Variants in OR6N1 observed in about 807,000 individuals in gnomAD.
OR6N1 encodes the protein olfactory receptor 6N1.
For missense variants in OR6N1, 394 were observed against 371.7 expected, an observed-to-expected ratio of 1.06 and a Z score of -0.49; for synonymous variants, 170 against 150.7, an observed-to-expected ratio of 1.13 and a Z score of -0.94.
the OR6N1 span, among the ~76,000 whole-genome samples, chr1:158,791,218 T>G: frequency 6.6e-6 from 1 of 152,204 alleles, no homozygotes; most frequent in African/African-American, 2.4e-5. Flanking sequence ...ATCTACAATT[T>G]TTTGATATAG....
chr1:158,821,788 G>A, the OR6N1 span, among the ~76,000 whole-genome samples: 1 of 151,922 alleles, frequency 6.6e-6, no homozygotes, highest in African/African-American at 2.4e-5. Context: ...AACTCCTTTG[G>A]GTAAATACCA....
the OR6N1 span, among the ~76,000 whole-genome samples, chr1:158,801,813 G>T: frequency 6.6e-6 from 1 of 152,090 alleles, no homozygotes; most frequent in African/African-American, 2.4e-5. Context: ...ATCTGGGAAA[G>T]ATCAAAGCCT....
In OR6N1 at chr1:158,766,825, G is replaced by T. The variant is rs909315709; in HGVS notation, c.-18-125C>A. ...CCAGAGTAAAGCCCTCTAAGTAAATGCTTTGAGAGGTCAACATTTCAATTC... is the reference window on the plus strand; with the variant it reads ...CCAGAGTAAAGCCCTCTAAGTAAATTCTTTGAGAGGTCAACATTTCAATTC... On this transcript the variant is annotated intron_variant, in intron 1 of 1. Transcript: ENST00000641846. 3 of 622,190 alleles carry T rather than the reference G, an allele frequency of 4.8e-6. No homozygotes were observed. In the African/African-American group the frequency reaches 5.5e-5, roughly 11 times the overall value. 38.5% of individuals were successfully genotyped at this position (622,190 alleles called of 1,614,324 possible).
At chr1:158,785,069 G>A in the OR6N1 span, among the ~76,000 whole-genome samples, 8 of 152,172 alleles carry the variant, frequency 5.3e-5, no homozygotes, top group Admixed American at 2.0e-4. Context: ...TGCATGTTCA[G>A]TGCTACATAC....
the OR6N1 span, among the ~76,000 whole-genome samples, chr1:158,812,606 A>G: frequency 1.5e-3 from 225 of 152,346 alleles, 1 homozygote; most frequent in Non-Finnish European, 2.7e-3. Context: ...ACATTTCATA[A>G]TATGATTGCT....
chr1:158,777,375 A>G, the OR6N1 span: 1 of 1,614,220 alleles, frequency 6.2e-7, no homozygotes, highest in Non-Finnish European at 8.5e-7. Context: ...TTTTCTTCTC[A>G]CTGAGAATAT....
the OR6N1 span, among the ~76,000 whole-genome samples, chr1:158,828,178 C>T: frequency 1.3e-5 from 2 of 152,234 alleles, no homozygotes; most frequent in African/African-American, 2.4e-5. Flanking sequence ...TATCATTCTA[C>T]CCCTGGCCCC....
the OR6N1 span, among the ~76,000 whole-genome samples, chr1:158,818,849 A>G: frequency 6.6e-6 from 1 of 152,162 alleles, no homozygotes; most frequent in Non-Finnish European, 1.5e-5. Flanking sequence ...ACTGTTATAC[A>G]TGGCCTATTT....
the OR6N1 span, among the ~76,000 whole-genome samples, chr1:158,778,390 T>C: frequency 6.6e-6 from 1 of 152,054 alleles, no homozygotes; most frequent in African/African-American, 2.4e-5. Context: ...TCCAAGAAGA[T>C]CTGGGATCAG....
At chr1:158,806,742 T>A in the OR6N1 span, among the ~76,000 whole-genome samples, 1 of 152,118 alleles carries the variant, frequency 6.6e-6, no homozygotes, top group Non-Finnish European at 1.5e-5. Context: ...TTATGTTTTT[T>A]GCCCAAAATC....
the OR6N1 span, among the ~76,000 whole-genome samples, chr1:158,778,768 A>G: frequency 6.6e-6 from 1 of 152,030 alleles, no homozygotes; most frequent in African/African-American, 2.4e-5. Context: ...TAATCCCAGC[A>G]TTTTGGGAGG....
upstream of OR6N1, among the ~76,000 whole-genome samples, chr1:158,773,849 A>G (rs1243772951): frequency 6.6e-6 from 1 of 152,072 alleles, no homozygotes; most frequent in Non-Finnish European, 1.5e-5. Context: ...GTGTGTATAT[A>G]TATTTGTATA....
upstream of OR6N1, among the ~76,000 whole-genome samples, chr1:158,772,965 G>T (rs933894302): frequency 2.0e-5 from 3 of 152,088 alleles, no homozygotes; most frequent in African/African-American, 7.2e-5. Context: ...TTATTTGTCA[G>T]ATAAAAAATT....
upstream of OR6N1, chr1:158,777,084 C>A: frequency 6.2e-7 from 1 of 1,614,060 alleles, no homozygotes; most frequent in South Asian, 1.1e-5. Flanking sequence ...CCAAGCTCAG[C>A]AAAGGTGGAA....
chr1:158,813,117 T>A, the OR6N1 span, among the ~76,000 whole-genome samples: 1 of 152,218 alleles, frequency 6.6e-6, no homozygotes, highest in Non-Finnish European at 1.5e-5. Context: ...TTCAAAAACA[T>A]ACATTGTTGG....
chr1:158,777,509 T>A, the OR6N1 span: 1 of 1,614,190 alleles, frequency 6.2e-7, no homozygotes, highest in Non-Finnish European at 8.5e-7. Flanking sequence ...AAGATGAGCA[T>A]GTTACCACAG....
the OR6N1 span, chr1:158,796,289 T>C: frequency 6.6e-6 from 1 of 152,360 alleles, no homozygotes; most frequent in African/African-American, 2.4e-5. Context: ...TAAAAGTACA[T>C]CAGTTATCTT....
chr1:158,796,783 T>C, the OR6N1 span, among the ~76,000 whole-genome samples: 1 of 152,192 alleles, frequency 6.6e-6, no homozygotes, highest in Non-Finnish European at 1.5e-5. Flanking sequence ...TGTACATTTG[T>C]CTTTAAATTG....
the OR6N1 span, among the ~76,000 whole-genome samples, chr1:158,812,125 T>C: frequency 5.3e-5 from 8 of 152,208 alleles, no homozygotes; most frequent in Non-Finnish European, 1.0e-4. Context: ...TATCTATGGG[T>C]TTTATAAGAC....
Sources: gnomAD v4.1 joint callset for allele counts (sites outside exome capture counted in the v4.1 genomes callset) on GRCh38, gnomAD v4.1.1 for gene constraint, MANE v1.5 for transcripts, NCBI Gene and HGNC (gene_info 2026-07-23, HGNC 2026-07-21) for gene names.